Variants in VTI1A observed in about 807,000 individuals in gnomAD.
The protein encoded by VTI1A is vesicle transport through interaction with t-SNAREs 1A.
VTI1A carries 22 observed loss-of-function variants against 34.9 expected under a neutral mutation model. That is an observed-to-expected ratio of 0.63 (90% CI 0.45 to 0.90). The LOEUF (loss-of-function observed/expected upper bound fraction) is 0.90. Ranked by LOEUF, VTI1A falls within the 40% of genes least tolerant of loss-of-function variation. The pLI is 0.00. For missense variants in VTI1A, 268 were observed against 275.6 expected, an observed-to-expected ratio of 0.97 and a Z score of 0.20; for synonymous variants, 87 against 97.3, an observed-to-expected ratio of 0.89 and a Z score of 0.62.
intron 7 of VTI1A, among the ~76,000 whole-genome samples, chr10:112,676,032 G>A (rs1848014177): frequency 6.6e-6 from 1 of 152,148 alleles, no homozygotes; most frequent in African/African-American, 2.4e-5. Flanking sequence ...TGAGGTATTT[G>A]TTATTATCAT....
intron 3 of VTI1A, among the ~76,000 whole-genome samples, chr10:112,523,594 G>C (rs925355914): frequency 1.3e-5 from 2 of 151,982 alleles, no homozygotes; most frequent in Admixed American, 6.6e-5. Flanking sequence ...GTGGGTGGCG[G>C]GGGGAGGCAA....
intron 5 of VTI1A, among the ~76,000 whole-genome samples, chr10:112,586,684 C>T (rs1844174923): frequency 6.6e-6 from 1 of 152,152 alleles, no homozygotes; most frequent in African/African-American, 2.4e-5. Context: ...CCCGCTGCCT[C>T]CTCTAGCCGA....
Position 112,668,708 on chromosome 10 carries a change from T to A in VTI1A, c.499-229T>A, listed in dbSNP as rs76847310. On this transcript the variant is annotated intron_variant, in intron 6 of 7. Transcript: ENST00000393077. Reference sequence around the variant, plus strand: ...TTTTTCAGCCTGTGCTTTGCTTTTATGTCCAGTTCTAGTATCCAGCTTAAA... The same window carrying A: ...TTTTTCAGCCTGTGCTTTGCTTTTAAGTCCAGTTCTAGTATCCAGCTTAAA... Among the ~76,000 whole-genome samples the A allele has an allele frequency of 0.012, 1,838 of 152,330 alleles. 33 individuals carry two copies. The highest frequency in any genetic ancestry group is 0.042 in the African/African-American group (1,745 of 41,588).
At chr10:112,783,622 C>T (rs899157430) in intron 7 of VTI1A, among the ~76,000 whole-genome samples, 12 of 152,186 alleles carry the variant, frequency 7.9e-5, no homozygotes, top group African/African-American at 2.7e-4. Context: ...ACCTTTTCAA[C>T]AGCTTCAGTA....
At chr10:112,845,526 C>A in the VTI1A span, among the ~76,000 whole-genome samples, 6 of 152,204 alleles carry the variant, frequency 3.9e-5, no homozygotes, top group Non-Finnish European at 8.8e-5. Flanking sequence ...CAGCAGCGAC[C>A]CTCTCCCCGG....
intron 7 of VTI1A, among the ~76,000 whole-genome samples, chr10:112,779,689 C>T (rs1267276380): frequency 2.0e-5 from 3 of 152,190 alleles, no homozygotes; most frequent in Non-Finnish European, 2.9e-5. Flanking sequence ...TTCAGCATCT[C>T]CAATCAACAT....
At chr10:112,752,457 G>A in intron 7 of VTI1A, 6 of 985,442 alleles carry the variant, frequency 6.1e-6, no homozygotes, top group Non-Finnish European at 7.2e-6. Context: ...GAATAGCTTG[G>A]AGATTTCACC....
At chr10:112,710,455 C>T (rs770666571) in intron 7 of VTI1A, among the ~76,000 whole-genome samples, 3 of 152,148 alleles carry the variant, frequency 2.0e-5, no homozygotes, top group Non-Finnish European at 2.9e-5. Context: ...GATCCGCCCA[C>T]CTTGGCCTCC....
At chr10:112,751,709 A>C (rs1851112668) in intron 7 of VTI1A, among the ~76,000 whole-genome samples, 1 of 152,216 alleles carries the variant, frequency 6.6e-6, no homozygotes, top group Non-Finnish European at 1.5e-5. Flanking sequence ...GCAAGAACCT[A>C]GGAGTTATAG....
chr10:112,507,959 A>T (rs1849488203), intron 3 of VTI1A, among the ~76,000 whole-genome samples: 1 of 152,160 alleles, frequency 6.6e-6, no homozygotes, highest in Non-Finnish European at 1.5e-5. Flanking sequence ...ATGTTCTGGA[A>T]TGTAGTTTCT....
intron 3 of VTI1A, among the ~76,000 whole-genome samples, chr10:112,525,754 G>A (rs1291954864): frequency 6.6e-6 from 1 of 152,144 alleles, no homozygotes; most frequent in Non-Finnish European, 1.5e-5. Flanking sequence ...GGGAAAAGTT[G>A]TAACTTCAGA....
At chr10:112,825,380 G>A in the VTI1A span, 1 of 152,304 alleles carries the variant, frequency 6.6e-6, no homozygotes, top group Non-Finnish European at 1.5e-5. Context: ...GGGGCATGGT[G>A]GCAGCAGTCC....
intron 5 of VTI1A, among the ~76,000 whole-genome samples, chr10:112,605,614 G>C (rs1409234788): frequency 6.6e-6 from 1 of 152,166 alleles, no homozygotes; most frequent in Non-Finnish European, 1.5e-5. Flanking sequence ...GAAATGCCTT[G>C]TGTAAGACAG....
At chr10:112,700,550 A>G (rs1208685139) in intron 7 of VTI1A, among the ~76,000 whole-genome samples, 1 of 152,210 alleles carries the variant, frequency 6.6e-6, no homozygotes, top group East Asian at 1.9e-4. Context: ...CTCTGCATCA[A>G]AGAACTCATA....
intron 5 of VTI1A, among the ~76,000 whole-genome samples, chr10:112,564,553 A>T (rs1589910295): frequency 6.6e-6 from 1 of 152,094 alleles, no homozygotes; most frequent in Non-Finnish European, 1.5e-5. Context: ...GAGTTTTTGC[A>T]CTTCTTCCTT....
intron 3 of VTI1A, among the ~76,000 whole-genome samples, chr10:112,503,845 G>A (rs1372703423): frequency 6.6e-6 from 1 of 152,154 alleles, no homozygotes; most frequent in African/African-American, 2.4e-5. Context: ...TAGATCTGCA[G>A]AAACAGGATA....
In VTI1A at chr10:112,618,512, T is replaced by TAGAGAGAG. The variant is rs1209394707; in HGVS notation, c.428-49705_428-49704insGAGAGAGA. On this transcript the variant is annotated intron_variant, in intron 5 of 7. Transcript: ENST00000393077. Reference sequence around the variant, plus strand: ...TATTATATATATATATATATATATATATATATATATATAGAGAGAGAGAGA... The same window carrying TAGAGAGAG: ...TATTATATATATATATATATATATATAGAGAGAGATATATATATATAGAGAGAGAGAGA... 6.6e-3 allele frequency among the ~76,000 whole-genome samples: 249 copies of TAGAGAGAG among 37,864 alleles called. 1 individual carries two copies. Among genetic ancestry groups the TAGAGAGAG allele is most frequent in the Non-Finnish European group, 9.4e-3 (206 of 21,926 alleles). 24.8% of individuals were successfully genotyped at this position (37,864 alleles called of 152,430 possible). A position where few individuals can be genotyped will look rare whatever the true frequency, so the allele number is the denominator to read the frequency against.
intron 7 of VTI1A, among the ~76,000 whole-genome samples, chr10:112,768,613 A>G (rs1195877522): frequency 6.6e-6 from 1 of 152,180 alleles, no homozygotes; most frequent in Admixed American, 6.5e-5. Context: ...TTAGGATTTC[A>G]GATTAAGAGA....
At chr10:112,628,232 A>G (rs1421617653) in intron 5 of VTI1A, among the ~76,000 whole-genome samples, 2 of 152,104 alleles carry the variant, frequency 1.3e-5, no homozygotes, top group African/African-American at 4.8e-5. Context: ...GTTGCTGGAC[A>G]TTTTTTGTTT....
Sources: allele counts gnomAD v4.1 joint callset (sites outside exome capture counted in the v4.1 genomes callset), GRCh38; gene constraint gnomAD v4.1.1; transcripts MANE v1.5; gene names NCBI Gene and HGNC (gene_info 2026-07-23, HGNC 2026-07-21).